The following ATG16L1 variants were observed in gnomAD, a reference collection of about 807,000 sequenced individuals.
ATG16L1 encodes the protein autophagy related 16 like 1, also known as autophagy-related protein 16-1.
A neutral mutation model predicts 88.5 loss-of-function variants in ATG16L1; 37 were observed. The ratio of observed to expected loss-of-function variants is 0.42; its 90% confidence interval spans 0.32 to 0.55. The LOEUF (loss-of-function observed/expected upper bound fraction) is 0.55. Among genes scored for constraint, ATG16L1 ranks in the 20% least tolerant of loss-of-function variants. ATG16L1 has a pLI of 0.13. For missense variants in ATG16L1, 554 were observed against 752.8 expected (o/e 0.74, Z 3.09); for synonymous variants, 301 against 281.0 (o/e 1.07, Z -0.71).
chr2:233,285,156 C>T (rs891051012), intron 12 of ATG16L1, among the ~76,000 whole-genome samples: 3 of 152,224 alleles, frequency 2.0e-5, no homozygotes, highest in African/African-American at 4.8e-5. Context: ...CTCATGGCTA[C>T]GTTCTAATCC....
intron 2 of ATG16L1, among the ~76,000 whole-genome samples, chr2:233,261,751 G>A (rs6737398): frequency 0.62 from 93,658 of 151,958 alleles, 29,072 homozygotes; most frequent in Non-Finnish European, 0.66. Context: ...GCTCACTATA[G>A]TCTGATAATT....
intron 9 of ATG16L1, chr2:233,275,542 G>A (rs568082164): frequency 2.8e-6 from 1 of 356,000 alleles, no homozygotes; most frequent in South Asian, 2.1e-5. Flanking sequence ...TATGGTGGGA[G>A]CTTTGGGTTC....
At chr2:233,281,545 T>C (rs1027483837) in intron 11 of ATG16L1, among the ~76,000 whole-genome samples, 3 of 152,152 alleles carry the variant, frequency 2.0e-5, no homozygotes, top group East Asian at 1.9e-4. Flanking sequence ...TGCTGAGTTA[T>C]GGCTGAGATG....
At chr2:233,283,563 T>G (rs1698864159) in intron 12 of ATG16L1, among the ~76,000 whole-genome samples, 1 of 152,066 alleles carries the variant, frequency 6.6e-6, no homozygotes, top group Non-Finnish European at 1.5e-5. Context: ...TTTTTTCTTT[T>G]TTTTTTTCTT....
chr2:233,280,210 A>G (rs560586849), intron 10 of ATG16L1, among the ~76,000 whole-genome samples: 4 of 152,358 alleles, frequency 2.6e-5, no homozygotes, highest in African/African-American at 9.6e-5. Context: ...AGTACTGAAT[A>G]AGATAAAAAT....
In ATG16L1 at chr2:233,292,538, C is replaced by A. The variant is rs1699531115; in HGVS notation, c.1628+104C>A. On this transcript the variant is annotated intron_variant, in intron 16 of 17. Transcript: ENST00000392017. The stretch of plus-strand genomic sequence containing the variant: ...AGCTAAATTTTGTTCAGTGCCCAAC[C>A]TATGTTTCCAGGAGTGTGCCTGTAA... 5.7e-6 allele frequency: 8 copies of A among 1,407,452 alleles called. 1 individual carries two copies. The Admixed American group carries it at 1.3e-4, about 22-fold the overall frequency. 87.2% of individuals were successfully genotyped at this position (1,407,452 alleles called of 1,614,324 possible).
At chr2:233,276,050 G>T (rs775097135) in intron 9 of ATG16L1, 1 of 492,330 alleles carries the variant, frequency 2.0e-6, no homozygotes, top group African/African-American at 2.0e-5. Context: ...TTTCATGGGG[G>T]TAAAAGGTTT....
Position 233,264,875 on chromosome 2 carries a change from T to G in ATG16L1, c.390-17T>G. 6.2e-7 allele frequency: 1 copy of G among 1,613,378 alleles called. No individual in the cohort carries two copies. Among genetic ancestry groups the G allele is most frequent in the African/African-American group, 1.3e-5 (1 of 75,038 alleles). On this transcript the variant is annotated splice_polypyrimidine_tract_variant and intron_variant, in intron 4 of 17. Coordinates refer to ENST00000392017, the MANE Select transcript of ATG16L1 (RefSeq NM_030803.7). ...CTCTGGCGAGGTACTATTCGTCCTC[T>G]GATGTCATGCTTCCAGAATTGCAGA...
chr2:233,284,214 T>C (rs1574892308), intron 12 of ATG16L1, among the ~76,000 whole-genome samples: 1 of 151,386 alleles, frequency 6.6e-6, no homozygotes, highest in East Asian at 1.9e-4. Flanking sequence ...AATGACGTGA[T>C]CTCGGCTCAC....
intron 9 of ATG16L1, chr2:233,275,775 C>G (rs778873174): frequency 7.7e-6 from 4 of 519,158 alleles, no homozygotes; most frequent in South Asian, 4.2e-5. Flanking sequence ...TGTCACGGTC[C>G]CTTTGTTGCC....
chr2:233,295,169 T>C lies in ATG16L1; in HGVS notation c.*819T>C, dbSNP rs1164071317. 1 of 152,698 alleles carries C rather than the reference T, an allele frequency of 6.5e-6. No individual in the cohort carries two copies. The highest frequency in any genetic ancestry group is 1.5e-5 in the Non-Finnish European group (1 of 68,028). The allele number at this position is 152,698 out of a possible 1,614,324, so 9.5% of individuals were successfully genotyped here. A position where few individuals can be genotyped will look rare whatever the true frequency, so the allele number is the denominator to read the frequency against. Reference sequence around the variant, plus strand: ...GACCTCCAACATACTTGTCTGAAGGTGGTGATTCTGGCCATGGCCCCTCTG... The same window carrying C: ...GACCTCCAACATACTTGTCTGAAGGCGGTGATTCTGGCCATGGCCCCTCTG... On this transcript the variant is annotated 3_prime_UTR_variant, in exon 18 of 18. Transcript: ENST00000392017.
chr2:233,289,905 G>C lies in ATG16L1; in HGVS notation c.1255G>C (p.Asp419His). Reference sequence around the variant, plus strand: ...AGTGCTGTCTGCTAAGTTCCTGCTGGACAATGCGCGGATTGTCTCAGGAAG... The same window carrying C: ...AGTGCTGTCTGCTAAGTTCCTGCTGCACAATGCGCGGATTGTCTCAGGAAG... ...GKVLSAKFLL[D>H]NARIVSGSHD... The change falls in exon 13 of 18, where the codon GAC becomes CAC. Residue 419 changes from aspartate (D) to histidine (H), a missense_variant. This residue lies in a region of ATG16L1 where 370 missense variants were observed against 509.7 expected (regional missense o/e 0.73). Transcript: ENST00000392017. 6.2e-7 allele frequency: 1 copy of C among 1,614,190 alleles called. No homozygotes were observed. The highest frequency in any genetic ancestry group is 8.5e-7 in the Non-Finnish European group (1 of 1,180,034).
intron 5 of ATG16L1, among the ~76,000 whole-genome samples, chr2:233,267,918 G>A (rs962951836): frequency 6.6e-6 from 1 of 152,288 alleles, no homozygotes; most frequent in Non-Finnish European, 1.5e-5. Context: ...TCATGTGATT[G>A]CAGATGTGGG....
chr2:233,265,292 A>T (rs1054404913), intron 5 of ATG16L1, 149 bp downstream of exon 5: 6 of 996,084 alleles, frequency 6.0e-6, no homozygotes, highest in African/African-American at 1.6e-5. Context: ...AATTCTGAAC[A>T]ATATAAATTA....
chr2:233,274,457 T>G (rs1194113542), intron 8 of ATG16L1: 4 of 489,830 alleles, frequency 8.2e-6, no homozygotes, highest in South Asian at 5.8e-5. Flanking sequence ...CAGGTTAGTG[T>G]GCAGGAGAGT....
In ATG16L1 at chr2:233,274,724, T is replaced by G; in HGVS notation, c.900T>G (p.Thr300=). ...CAGTCCCCCAGGACAATGTGGATAC[T>G]CATCCTGGTTCTGGTAAAGAAGTGA... ...SFPVPQDNVD[T]HPGSGKEVRV... The change falls in exon 9 of 18, where the codon ACT becomes ACG. Residue 300 remains threonine, a synonymous_variant. Transcript: ENST00000392017. 6.2e-7 allele frequency: 1 copy of G among 1,612,888 alleles called. No homozygotes were observed. Among genetic ancestry groups the G allele is most frequent in the Non-Finnish European group, 8.5e-7 (1 of 1,178,954 alleles).
intron 9 of ATG16L1, among the ~76,000 whole-genome samples, chr2:233,276,734 C>T (rs933611700): frequency 6.6e-6 from 1 of 152,220 alleles, no homozygotes; most frequent in Admixed American, 6.5e-5. Flanking sequence ...ACCTCGGTCT[C>T]CCGAAGTGCT....
chr2:233,255,857 T>C (rs1233416041), intron 1 of ATG16L1, among the ~76,000 whole-genome samples: 1 of 152,248 alleles, frequency 6.6e-6, no homozygotes, highest in African/African-American at 2.4e-5. Flanking sequence ...CATTTCACTT[T>C]GCCATTGTGT....
At chr2:233,271,797 T>C (rs1698015510) in intron 6 of ATG16L1, among the ~76,000 whole-genome samples, 2 of 152,264 alleles carry the variant, frequency 1.3e-5, no homozygotes, top group Non-Finnish European at 2.9e-5. Flanking sequence ...AGTTCTCCTC[T>C]CTTCCTTGTA....
Sources: gnomAD v4.1 joint callset for allele counts (sites outside exome capture counted in the v4.1 genomes callset) on GRCh38, gnomAD v4.1.1 for gene constraint, gnomAD v4.1.1 regional missense constraint, MANE v1.5 for transcripts, NCBI Gene and HGNC (gene_info 2026-07-23, HGNC 2026-07-21) for gene names.